Variants in CCDC7 observed in about 807,000 individuals in gnomAD.
CCDC7 encodes the protein coiled-coil domain-containing protein 7.
A neutral mutation model predicts 196.9 loss-of-function variants in CCDC7; 183 were observed. That is an observed-to-expected ratio of 0.93 (90% CI 0.82 to 1.05). The LOEUF (loss-of-function observed/expected upper bound fraction) is 1.05. CCDC7 is among the 50% of genes least tolerant of loss of function. The pLI is 0.00. For synonymous variants in CCDC7, 525 were observed against 484.6 expected (o/e 1.08, Z -1.10); for missense variants, 1,540 against 1,482.2 (o/e 1.04, Z -0.64).
chr10:32,830,484 CA>C (rs1259649027), intron 32 of CCDC7, among the ~76,000 whole-genome samples: 3 of 151,654 alleles, frequency 2.0e-5, no homozygotes, highest in African/African-American at 7.3e-5. Context: ...GGAGCAACTA[CA>C]AAATAATTCT....
chr10:32,706,214 T>TG (rs2079724771), intron 24 of CCDC7, among the ~76,000 whole-genome samples: 1 of 152,118 alleles, frequency 6.6e-6, no homozygotes, highest in Non-Finnish European at 1.5e-5. Flanking sequence ...TGCTCCTGAA[T>TG]GACTACTGGG....
At chr10:32,656,516 G>A (rs1198290749) in intron 20 of CCDC7, among the ~76,000 whole-genome samples, 1 of 152,186 alleles carries the variant, frequency 6.6e-6, no homozygotes, top group Non-Finnish European at 1.5e-5. Context: ...CAGCAGGAGA[G>A]AGAAGTGCCA....
chr10:32,568,577 G>A (rs1156337986), intron 15 of CCDC7, among the ~76,000 whole-genome samples: 1 of 152,126 alleles, frequency 6.6e-6, no homozygotes, highest in Non-Finnish European at 1.5e-5. Flanking sequence ...AACGAAGTAA[G>A]GTACACCGAA....
intron 21 of CCDC7, among the ~76,000 whole-genome samples, chr10:32,678,860 C>T (rs1306820165): frequency 6.6e-6 from 1 of 152,092 alleles, no homozygotes; most frequent in Non-Finnish European, 1.5e-5. Flanking sequence ...TGTGCTGTAG[C>T]CTCTCATTTG....
At chr10:32,690,738 T>G (rs2076986669) in intron 23 of CCDC7, among the ~76,000 whole-genome samples, 2 of 152,226 alleles carry the variant, frequency 1.3e-5, no homozygotes, top group East Asian at 1.9e-4. Context: ...ATATTTACAT[T>G]CTTCCATATG....
chr10:32,598,952 C>G (rs550336282), intron 18 of CCDC7, among the ~76,000 whole-genome samples: 2 of 152,190 alleles, frequency 1.3e-5, no homozygotes, highest in South Asian at 2.1e-4. Flanking sequence ...TTGTTCAAGT[C>G]AAATATTTAC....
chr10:32,532,700 C>G (rs1489251919), intron 11 of CCDC7, among the ~76,000 whole-genome samples: 1 of 152,098 alleles, frequency 6.6e-6, no homozygotes, highest in Admixed American at 6.5e-5. Flanking sequence ...CATGCTCTTG[C>G]TGAATTGACC....
At chr10:32,874,932 A>T in intron 41 of CCDC7, among the ~76,000 whole-genome samples, 1 of 152,072 alleles carries the variant, frequency 6.6e-6, no homozygotes, top group South Asian at 2.1e-4. Context: ...TTCAGGTCTT[A>T]GATTTAAGTC....
intron 28 of CCDC7, among the ~76,000 whole-genome samples, chr10:32,775,807 T>A (rs1233489748): frequency 6.6e-6 from 1 of 152,220 alleles, no homozygotes; most frequent in Non-Finnish European, 1.5e-5. Flanking sequence ...AAAATTATCA[T>A]GCTGCTATAA....
chr10:32,573,124 C>T (rs2057777982), intron 16 of CCDC7, among the ~76,000 whole-genome samples: 1 of 151,950 alleles, frequency 6.6e-6, no homozygotes, highest in Admixed American at 6.6e-5. Flanking sequence ...GTGATCCACC[C>T]ACCTCGGACT....
intron 16 of CCDC7, among the ~76,000 whole-genome samples, chr10:32,580,751 G>T (rs1022950993): frequency 2.5e-4 from 38 of 151,944 alleles, no homozygotes; most frequent in Non-Finnish European, 4.4e-4. Flanking sequence ...ATACCTGTGA[G>T]AGTTTTTTTC....
chr10:32,856,227 A>C (rs1288182258), intron 41 of CCDC7, among the ~76,000 whole-genome samples: 1 of 152,230 alleles, frequency 6.6e-6, no homozygotes, highest in African/African-American at 2.4e-5. Flanking sequence ...AATTTATCAA[A>C]ATTAAAAACT....
rs1228182518 is a variant in CCDC7, at chr10:32,729,053, C to A, written c.2779+56C>A. On this transcript the variant is annotated intron_variant, in intron 27 of 41. Transcript: ENST00000639629. Reference sequence around the variant, plus strand: ...TTATTTTATGTTGAACTCATCAGATCTTTTCCTTTGATTCGTCAGTGTGTA... The same window carrying A: ...TTATTTTATGTTGAACTCATCAGATATTTTCCTTTGATTCGTCAGTGTGTA... 3.2e-6 allele frequency: 4 copies of A among 1,230,914 alleles called. No homozygotes were observed. In the African/African-American group the frequency reaches 6.1e-5, roughly 19 times the overall value. 76.2% of individuals were successfully genotyped at this position (1,230,914 alleles called of 1,614,324 possible).
chr10:32,696,321 A>C (rs2077719242), intron 24 of CCDC7, among the ~76,000 whole-genome samples: 1 of 152,088 alleles, frequency 6.6e-6, no homozygotes, highest in Non-Finnish European at 1.5e-5. Context: ...CCTCATTCTC[A>C]TGCCAGGGAT....
chr10:32,725,858 C>T (rs908591257), intron 25 of CCDC7, among the ~76,000 whole-genome samples: 3 of 152,112 alleles, frequency 2.0e-5, no homozygotes, highest in Non-Finnish European at 4.4e-5. Context: ...ATACCTCCAA[C>T]CTTAGGGATC....
intron 41 of CCDC7, among the ~76,000 whole-genome samples, chr10:32,869,914 A>G (rs1374837290): frequency 1.3e-5 from 2 of 151,728 alleles, no homozygotes; most frequent in Non-Finnish European, 2.9e-5. Context: ...GTAGATATGT[A>G]GCATTATTTC....
intron 28 of CCDC7, among the ~76,000 whole-genome samples, chr10:32,776,398 C>G (rs1476370489): frequency 6.6e-6 from 1 of 151,900 alleles, no homozygotes; most frequent in East Asian, 1.9e-4. Flanking sequence ...AGGTACTTCT[C>G]TATTTTACCT....
chr10:32,594,250 G>T (rs907775006), intron 18 of CCDC7, among the ~76,000 whole-genome samples: 12 of 152,132 alleles, frequency 7.9e-5, no homozygotes, highest in Non-Finnish European at 1.8e-4. Flanking sequence ...AGTTCTCTTT[G>T]AAGAGGTCCT....
chr10:32,550,353 C>T (rs1164002861), intron 13 of CCDC7, among the ~76,000 whole-genome samples: 1 of 152,042 alleles, frequency 6.6e-6, no homozygotes, highest in African/African-American at 2.4e-5. Flanking sequence ...TGTCAGCAAA[C>T]AGTGACAGTT....
Sources: allele counts gnomAD v4.1 joint callset (sites outside exome capture counted in the v4.1 genomes callset), GRCh38; gene constraint gnomAD v4.1.1; transcripts MANE v1.5; gene names NCBI Gene and HGNC (gene_info 2026-07-23, HGNC 2026-07-21).